The following FERMT2 variants were observed in gnomAD, a reference collection of about 807,000 sequenced individuals.
The protein encoded by FERMT2 is FERM domain containing kindlin 2, also known as fermitin family homolog 2.
FERMT2 carries 15 observed loss-of-function variants against 82.7 expected under a neutral mutation model. The observed-to-expected ratio is 0.18, with a 90% CI of 0.12 to 0.28. The LOEUF (loss-of-function observed/expected upper bound fraction) is 0.28, where lower values mean the gene tolerates loss of function less well. FERMT2 is among the 10% of genes least tolerant of loss of function. The probability of loss-of-function intolerance (pLI) is 1.00; values close to 1 mark genes in which losing one functional copy is unlikely to be tolerated. For missense variants in FERMT2, 645 were observed against 809.4 expected (o/e 0.80, Z 2.46); for synonymous variants, 274 against 271.5 (o/e 1.01, Z -0.09).
Position 52,864,608 on chromosome 14 carries a change from T to G in FERMT2, c.1395A>C (p.Ala465=), listed in dbSNP as rs112020006. 6.3e-4 allele frequency: 1,010 copies of G among 1,614,162 alleles called. 6 individuals carry two copies. The African/African-American group carries it at 0.012, about 19-fold the overall frequency. ...CTAATCTGCAGGCTGCCATCCAGTG[T>G]GCATACTGTTTTTCCTGGAGAAAAG... ...WLRCDNEKQY[A]HWMAACRLAS... The change falls in exon 12 of 15, where the codon GCA becomes GCC. Residue 465 remains alanine, a synonymous_variant. Coordinates refer to ENST00000341590, the MANE Select transcript of FERMT2 (RefSeq NM_006832.3).
chr14:52,875,922 T>A (rs1048470229), intron 7 of FERMT2, among the ~76,000 whole-genome samples: 1 of 152,148 alleles, frequency 6.6e-6, no homozygotes, highest in Admixed American at 6.5e-5. Flanking sequence ...GACACCCACA[T>A]ATACGTGGGT....
At chr14:52,945,020 C>G (rs1456951336) in intron 2 of FERMT2, among the ~76,000 whole-genome samples, 1 of 152,112 alleles carries the variant, frequency 6.6e-6, no homozygotes, top group Non-Finnish European at 1.5e-5. Flanking sequence ...CCTGTCTCAG[C>G]CTCCCGAGTA....
intron 3 of FERMT2, among the ~76,000 whole-genome samples, chr14:52,901,003 G>A (rs1887591140): frequency 6.7e-6 from 1 of 148,594 alleles, no homozygotes; most frequent in Non-Finnish European, 1.5e-5. Context: ...GCTCATGCCT[G>A]TAATCCTAGC....
intron 4 of FERMT2, 109 bp from the exon 5 acceptor site, chr14:52,881,578 C>A: frequency 2.1e-6 from 2 of 946,928 alleles, no homozygotes; most frequent in Non-Finnish European, 3.2e-6. Flanking sequence ...AAGTTTTATT[C>A]TGAAAGGAAA....
intron 3 of FERMT2, among the ~76,000 whole-genome samples, chr14:52,902,453 G>A (rs1195834932): frequency 6.6e-6 from 1 of 151,550 alleles, no homozygotes; most frequent in Non-Finnish European, 1.5e-5. Flanking sequence ...ATTAACAACA[G>A]AGGGGGAAGG....
chr14:52,866,775 C>A (rs142622994), intron 10 of FERMT2, among the ~76,000 whole-genome samples: 109 of 152,274 alleles, frequency 7.2e-4, no homozygotes, highest in African/African-American at 2.4e-3. Flanking sequence ...AAAATGAAAG[C>A]CACCAGAAGT....
chr14:52,868,555 G>A (rs1255518074), intron 10 of FERMT2, among the ~76,000 whole-genome samples: 1 of 152,136 alleles, frequency 6.6e-6, no homozygotes, highest in Non-Finnish European at 1.5e-5. Flanking sequence ...TGTGGCACAG[G>A]AGTTCACTTA....
chr14:52,860,896 C>A, intron 12 of FERMT2: 1 of 753,252 alleles, frequency 1.3e-6, no homozygotes, highest in South Asian at 1.7e-5. Context: ...TTGAAATCAC[C>A]ATAATCATTT....
intron 3 of FERMT2, among the ~76,000 whole-genome samples, chr14:52,913,043 C>A (rs1213937647): frequency 3.9e-5 from 6 of 152,228 alleles, no homozygotes; most frequent in East Asian, 3.9e-4. Context: ...AGATAGCTTT[C>A]TTTTCTTGTT....
At position 52,880,368 on chromosome 14, in the gene FERMT2, G is replaced by A. The variant is rs561461211; in HGVS notation, c.855+668C>T. Among the ~76,000 whole-genome samples the A allele has an allele frequency of 3.3e-5, 5 of 152,262 alleles. No homozygotes were observed. In the South Asian group the frequency reaches 8.3e-4, roughly 25 times the overall value. ...TTTATTTAAATATAGTTGAAGAGAG[G>A]TCTTATATTTTAAAAATGAACTTTG... is the stretch of plus-strand genomic sequence containing the variant. On this transcript the variant is annotated intron_variant, in intron 6 of 14. Transcript: ENST00000341590.
At chr14:52,898,065 T>C (rs1887403991) in intron 3 of FERMT2, among the ~76,000 whole-genome samples, 1 of 151,800 alleles carries the variant, frequency 6.6e-6, no homozygotes, top group South Asian at 2.1e-4. Context: ...TTGTTCTGTA[T>C]TTTACAGGCT....
chr14:52,897,324 T>C (rs1392198444), intron 3 of FERMT2, among the ~76,000 whole-genome samples: 8 of 152,158 alleles, frequency 5.3e-5, no homozygotes, highest in Non-Finnish European at 1.5e-5. Context: ...ATTTCAGAAT[T>C]CACTGGAATA....
At chr14:52,889,535 C>T (rs891958884) in intron 4 of FERMT2, among the ~76,000 whole-genome samples, 1 of 152,110 alleles carries the variant, frequency 6.6e-6, no homozygotes, top group East Asian at 1.9e-4. Context: ...AGGAACAGCC[C>T]AATGATGCAA....
At chr14:52,925,890 C>T (rs1889238919) in intron 2 of FERMT2, among the ~76,000 whole-genome samples, 1 of 152,118 alleles carries the variant, frequency 6.6e-6, no homozygotes, top group South Asian at 2.1e-4. Flanking sequence ...GTGATCCAAC[C>T]CCCTTGGCCT....
intron 10 of FERMT2, among the ~76,000 whole-genome samples, chr14:52,868,885 G>A (rs1885446885): frequency 1.3e-5 from 2 of 152,212 alleles, no homozygotes; most frequent in Non-Finnish European, 2.9e-5. Context: ...CTTGGTCAAG[G>A]TGTTATCAGT....
chr14:52,890,982 G>A (rs769184918), intron 4 of FERMT2, among the ~76,000 whole-genome samples: 1 of 152,022 alleles, frequency 6.6e-6, no homozygotes, highest in Non-Finnish European at 1.5e-5. Context: ...ATTCCCTCCT[G>A]TACAAATTAC....
chr14:52,943,259 C>T (rs867493571), intron 2 of FERMT2, among the ~76,000 whole-genome samples: 1 of 151,942 alleles, frequency 6.6e-6, no homozygotes, highest in South Asian at 2.1e-4. Flanking sequence ...TACTAAGAAC[C>T]TTATTTTAAA....
At chr14:52,864,961 T>C (rs17694496) in intron 10 of FERMT2, 108 bp from the exon 11 acceptor site, 109,165 of 695,848 alleles carry the variant, frequency 0.16, 10,066 homozygotes, top group Middle Eastern at 0.2. Context: ...GATTTTGCCA[T>C]AGTATTTTAT....
chr14:52,902,178 AGG>A (rs1887691643), intron 3 of FERMT2, among the ~76,000 whole-genome samples: 1 of 152,070 alleles, frequency 6.6e-6, no homozygotes, highest in Admixed American at 6.5e-5. Flanking sequence ...GGATCACTTG[AGG>A]TCAGGAATTC....
Sources: allele counts gnomAD v4.1 joint callset (sites outside exome capture counted in the v4.1 genomes callset), GRCh38; gene constraint gnomAD v4.1.1; transcripts MANE v1.5; gene names NCBI Gene and HGNC (gene_info 2026-07-23, HGNC 2026-07-21).